RANBP2: variants seen among roughly 807,000 people sequenced by gnomAD.
RANBP2 encodes the protein E3 SUMO-protein ligase RanBP2.
RANBP2 carries 57 observed loss-of-function variants against 303.6 expected under a neutral mutation model. The ratio of observed to expected loss-of-function variants is 0.19; its 90% CI spans 0.15 to 0.23. The LOEUF is 0.23. RANBP2 is among the 10% of genes least tolerant of loss of function. The probability of loss-of-function intolerance (pLI) is 1.00; values close to 1 mark genes in which losing one functional copy is unlikely to be tolerated. For missense variants in RANBP2, 3,138 were observed against 3,780.8 expected, an observed-to-expected ratio of 0.83 and a Z score of 4.46; for synonymous variants, 1,167 against 1,301.5, an observed-to-expected ratio of 0.90 and a Z score of 2.23.
At chr2:109,136,128 C>T in the RANBP2 span, among the ~76,000 whole-genome samples, 10 of 152,074 alleles carry the variant, frequency 6.6e-5, no homozygotes, top group Non-Finnish European at 8.8e-5. Context: ...ATGACAGATT[C>T]GGGGCTCAGT....
chr2:109,113,730 C>T, the RANBP2 span, among the ~76,000 whole-genome samples: 1 of 152,166 alleles, frequency 6.6e-6, no homozygotes, highest in South Asian at 2.1e-4. Context: ...AAAGGGAATG[C>T]TTCCAGTTTT....
At chr2:109,236,164 A>G in the RANBP2 span, among the ~76,000 whole-genome samples, 1 of 152,202 alleles carries the variant, frequency 6.6e-6, no homozygotes, top group Admixed American at 6.5e-5. Context: ...AGAACTCTTA[A>G]TCACTGCCAA....
chr2:109,205,476 C>T, the RANBP2 span, among the ~76,000 whole-genome samples: 1 of 152,094 alleles, frequency 6.6e-6, no homozygotes, highest in Non-Finnish European at 1.5e-5. Context: ...TCTTGAACTC[C>T]TGACCTCAAG....
At chr2:109,153,612 C>T in the RANBP2 span, among the ~76,000 whole-genome samples, 2,271 of 152,304 alleles carry the variant, frequency 0.015, 51 homozygotes, top group African/African-American at 0.052. Flanking sequence ...TGGAAGCTGC[C>T]GCTGTGAAAG....
chr2:109,161,403 T>C, the RANBP2 span, among the ~76,000 whole-genome samples: 1 of 152,058 alleles, frequency 6.6e-6, no homozygotes, highest in Non-Finnish European at 1.5e-5. Context: ...AGCCTTCGTT[T>C]CCTTTCTGTC....
At chr2:109,343,375 T>C in the RANBP2 span, among the ~76,000 whole-genome samples, 1 of 152,270 alleles carries the variant, frequency 6.6e-6, no homozygotes, top group Non-Finnish European at 1.5e-5. Flanking sequence ...CTTTTTTTTT[T>C]CTTTCCCTCA....
the RANBP2 span, chr2:108,910,579 C>A: frequency 1.3e-6 from 2 of 1,529,928 alleles, no homozygotes; most frequent in Non-Finnish European, 1.8e-6. Context: ...AGAATTGGCT[C>A]ATGGCTCTGC....
intron 23 of RANBP2, among the ~76,000 whole-genome samples, chr2:108,774,898 G>A (rs546902361): frequency 2.0e-5 from 3 of 152,060 alleles, no homozygotes; most frequent in African/African-American, 7.2e-5. Flanking sequence ...CACCATGTTG[G>A]TAAGGCTGGT....
At chr2:109,574,478 T>C in the RANBP2 span, 1 of 624,946 alleles carries the variant, frequency 1.6e-6, no homozygotes, top group Non-Finnish European at 2.3e-6. Flanking sequence ...TTAAAAAAGA[T>C]GCACAGGATA....
the RANBP2 span, chr2:108,910,615 T>C: frequency 7.0e-7 from 1 of 1,419,866 alleles, no homozygotes; most frequent in Non-Finnish European, 9.9e-7. Flanking sequence ...GCTCTTCCTG[T>C]TGGGCAGAGC....
At chr2:109,097,684 G>A in the RANBP2 span, among the ~76,000 whole-genome samples, 1 of 151,010 alleles carries the variant, frequency 6.6e-6, no homozygotes, top group Non-Finnish European at 1.5e-5. Context: ...CTGCCTTGGA[G>A]ATTTTCTCTT....
the RANBP2 span, among the ~76,000 whole-genome samples, chr2:109,487,023 G>T: frequency 6.6e-6 from 1 of 152,160 alleles, no homozygotes; most frequent in East Asian, 1.9e-4. Context: ...AGAGAGGAGT[G>T]CAGGCCACAG....
the RANBP2 span, among the ~76,000 whole-genome samples, chr2:109,720,914 A>G: frequency 1.3e-5 from 2 of 152,174 alleles, no homozygotes; most frequent in Admixed American, 1.3e-4. Flanking sequence ...GCACAATGCC[A>G]GATGTGGGCA....
chr2:109,631,493 C>T, the RANBP2 span, among the ~76,000 whole-genome samples: 19 of 152,134 alleles, frequency 1.2e-4, no homozygotes, highest in African/African-American at 4.6e-4. Flanking sequence ...CAGTGGCTCC[C>T]ACCAGTAATC....
chr2:109,371,315 C>G, the RANBP2 span, among the ~76,000 whole-genome samples: 2 of 152,164 alleles, frequency 1.3e-5, no homozygotes, highest in Non-Finnish European at 2.9e-5. Context: ...GCTTGAACCC[C>G]GGAGGCGGAG....
Position 108,725,364 on chromosome 2 carries a change from TAA to T in RANBP2, c.73-3767_73-3766del, listed in dbSNP as rs558138797. Among the ~76,000 whole-genome samples the T allele has an allele frequency of 1.1e-3, 169 of 151,892 alleles. 3 individuals carry two copies. The highest frequency in any genetic ancestry group is 4.0e-3 in the African/African-American group (165 of 41,124). ...AATTTGTAAAGTTGTTTAATTATCTTAAGATTGTCTACTTTAATAACATAGTT... is the reference window on the plus strand; with the variant it reads ...AATTTGTAAAGTTGTTTAATTATCTTGATTGTCTACTTTAATAACATAGTT... On this transcript the variant is annotated intron_variant, in intron 1 of 28. Transcript: ENST00000283195.
At chr2:109,392,006 G>C in the RANBP2 span, among the ~76,000 whole-genome samples, 1 of 152,040 alleles carries the variant, frequency 6.6e-6, no homozygotes, top group Non-Finnish European at 1.5e-5. Flanking sequence ...TACAGAGACT[G>C]GGTCTCACTA....
chr2:109,553,054 T>C, the RANBP2 span: 1 of 1,593,632 alleles, frequency 6.3e-7, no homozygotes, highest in Non-Finnish European at 8.5e-7. Context: ...ATCTAAAAAA[T>C]AAATGCAAAT....
the RANBP2 span, among the ~76,000 whole-genome samples, chr2:109,555,298 A>G: frequency 2.6e-5 from 4 of 152,126 alleles, no homozygotes; most frequent in Non-Finnish European, 5.9e-5. Context: ...CTGATATCCT[A>G]TCCTCAGGTT....
Sources: gnomAD v4.1 joint callset for allele counts (sites outside exome capture counted in the v4.1 genomes callset) on GRCh38, gnomAD v4.1.1 for gene constraint, MANE v1.5 for transcripts, NCBI Gene and HGNC (gene_info 2026-07-23, HGNC 2026-07-21) for gene names.